CHAF1A: variants seen among roughly 807,000 people sequenced by gnomAD.
CHAF1A encodes chromatin assembly factor 1 subunit A, also known as CAF-1 subunit A.
CHAF1A carries 5 observed loss-of-function variants against 93.2 expected under a neutral mutation model. The observed-to-expected ratio is 0.05, with a 90% confidence interval of 0.03 to 0.11. CHAF1A has a LOEUF of 0.11. CHAF1A is among the 10% of genes least tolerant of loss of function. The probability of loss-of-function intolerance (pLI) is 1.00; values close to 1 mark genes in which losing one functional copy is unlikely to be tolerated. For missense variants in CHAF1A, 1,102 were observed against 1,259.9 expected (o/e 0.87, Z 1.90); for synonymous variants, 504 against 510.3 (o/e 0.99, Z 0.17).
chr19:4,409,486 G>A lies in CHAF1A; in HGVS notation c.687G>A (p.Gly229=). 6.2e-7 allele frequency: 1 copy of A among 1,614,086 alleles called. No homozygotes were observed. The highest frequency in any genetic ancestry group is 8.5e-7 in the Non-Finnish European group (1 of 1,179,998). Residue 229 remains glycine, a synonymous_variant, in exon 3 of 15, where the codon GGG becomes GGA. Transcript: ENST00000301280. ...RKEQDSWSEA[G]GILFKGKVPM... is the part of the protein sequence containing the mutation. ...AGCAGGACAGTTGGAGTGAAGCTGG[G>A]GGCATCCTGTTCAAAGGGAAGGTGC... is the stretch of plus-strand genomic sequence containing the variant.
chr19:4,415,355 C>T (rs1298355236), intron 3 of CHAF1A, among the ~76,000 whole-genome samples: 1 of 152,270 alleles, frequency 6.6e-6, no homozygotes, highest in East Asian at 1.9e-4. Context: ...CACATCAAGT[C>T]TGTTATCTCT....
chr19:4,411,571 C>A (rs548540125), intron 3 of CHAF1A, among the ~76,000 whole-genome samples: 1 of 140,874 alleles, frequency 7.1e-6, no homozygotes, highest in African/African-American at 2.5e-5. Flanking sequence ...TCTTGTCTTT[C>A]ACCTGAGAAG....
rs753584867 is a variant in CHAF1A, at chr19:4,423,359, A to G, written c.1272A>G (p.Lys424=). Residue 424 remains lysine (K), a synonymous_variant, in exon 6 of 15, where the codon AAA becomes AAG. Coordinates refer to ENST00000301280, the MANE Select transcript of CHAF1A (RefSeq NM_005483.3). Reference sequence around the variant, plus strand: ...GGGCTAAACTTGAGGAAAAAAGGAAAAAGGAAGAAGAGAAACGGTTAAGAG... The same window carrying G: ...GGGCTAAACTTGAGGAAAAAAGGAAGAAGGAAGAAGAGAAACGGTTAAGAG... ...ALEAKLEEKR[K]KEEEKRLREE... is the part of the protein sequence containing the mutation. The G allele has an allele frequency of 2.5e-6, 4 of 1,614,184 alleles. No individual in the cohort carries two copies. In the Admixed American group the frequency reaches 5.0e-5, roughly 20 times the overall value.
At chr19:4,412,956 G>A (rs976818107) in intron 3 of CHAF1A, among the ~76,000 whole-genome samples, 5 of 152,234 alleles carry the variant, frequency 3.3e-5, no homozygotes, top group Non-Finnish European at 7.3e-5. Context: ...GGATCCCTGA[G>A]ATCCCAGCTG....
intron 3 of CHAF1A, among the ~76,000 whole-genome samples, chr19:4,410,530 A>T (rs1477872378): frequency 6.6e-6 from 1 of 151,802 alleles, no homozygotes; most frequent in Non-Finnish European, 1.5e-5. Flanking sequence ...ACAGGTGCGC[A>T]CCACCACACT....
At chr19:4,430,343 A>G (rs963124709) in intron 10 of CHAF1A, among the ~76,000 whole-genome samples, 4 of 151,982 alleles carry the variant, frequency 2.6e-5, no homozygotes, top group Non-Finnish European at 4.4e-5. Context: ...ATGCCCAGCC[A>G]AGATTTGTAT....
chr19:4,402,955 A>C, intron 1 of CHAF1A, 141 bp downstream of exon 1: 5 of 392,678 alleles, frequency 1.3e-5, no homozygotes, highest in East Asian at 4.6e-5. Context: ...GGGCCTTCTC[A>C]TCCCCAGCGA....
intron 13 of CHAF1A, among the ~76,000 whole-genome samples, chr19:4,441,297 T>C (rs1005959872): frequency 6.7e-6 from 1 of 150,050 alleles, no homozygotes; most frequent in Non-Finnish European, 1.5e-5. Context: ...AGCCTGGATA[T>C]ATGGCAAGAC....
chr19:4,429,475 G>T lies in CHAF1A; in HGVS notation c.1642G>T (p.Val548Phe). The change falls in exon 9 of 15, where the codon GTT becomes TTT. Residue 548 changes from valine (V) to phenylalanine (F), a missense_variant. By Grantham distance (50) the Val-to-Phe change is conservative (BLOSUM62 -1). This residue lies in a region of CHAF1A where 335 missense variants were observed against 361.9 expected (regional missense o/e 0.93). Transcript: ENST00000301280. Reference sequence around the variant, plus strand: ...CGTGGAGCGTGGGAAGGGCGACGGTGTTCCCGAGAGGAGGAAGTTTGGCAG... The same window carrying T: ...CGTGGAGCGTGGGAAGGGCGACGGTTTTCCCGAGAGGAGGAAGTTTGGCAG... ...VIVERGKGDG[V>F]PERRKFGRMK... 6.2e-7 allele frequency: 1 copy of T among 1,614,072 alleles called. No homozygotes were observed. Among genetic ancestry groups the T allele is most frequent in the Non-Finnish European group, 8.5e-7 (1 of 1,180,012 alleles).
chr19:4,429,239 C>A, intron 8 of CHAF1A, 199 bp from the exon 9 acceptor site: 1 of 647,868 alleles, frequency 1.5e-6, no homozygotes, highest in Non-Finnish European at 2.6e-6. Context: ...TCCTCCCTCT[C>A]ACCCTGCAGG....
intron 13 of CHAF1A, among the ~76,000 whole-genome samples, chr19:4,436,016 G>A (rs924924993): frequency 1.3e-5 from 2 of 152,128 alleles, no homozygotes; most frequent in African/African-American, 4.8e-5. Context: ...GCAGGTGCCT[G>A]TAATCTCAGC....
At chr19:4,447,150 A>C, downstream of CHAF1A, 1 of 597,772 alleles carries the variant, frequency 1.7e-6, no homozygotes, top group Non-Finnish European at 3.0e-6. Flanking sequence ...CCAGGCACGA[A>C]GAGTGAGGCT....
intron 2 of CHAF1A, 71 bp downstream of exon 2, chr19:4,406,033 C>T: frequency 8.2e-7 from 1 of 1,226,084 alleles, no homozygotes; most frequent in Non-Finnish European, 1.2e-6. Context: ...TTGGAGACCT[C>T]AGTGGAAGCC....
chr19:4,444,718 G>A (rs184527329), downstream of CHAF1A: 120 of 152,492 alleles, frequency 7.9e-4, no homozygotes, highest in Non-Finnish European at 1.1e-3. Flanking sequence ...GGATGTGGCC[G>A]TCTCAGGACA....
At position 4,433,854 on chromosome 19, in the gene CHAF1A, C is replaced by T. The variant is rs1353955351; in HGVS notation, c.2673+315C>T. The stretch of plus-strand genomic sequence containing the variant: ...TGACCTCATGATCCGTCTGCCTTGT[C>T]CTCCCAAAGTGCTGGGATTACAGGC... On this transcript the variant is annotated intron_variant, in intron 13 of 14. Coordinates refer to ENST00000301280, the MANE Select transcript of CHAF1A (RefSeq NM_005483.3). The surrounding 1 kb of genome is among the most constrained non-coding windows in gnomAD (Gnocchi z 5.6). Among the ~76,000 whole-genome samples the T allele has an allele frequency of 6.6e-6, 1 of 152,064 alleles. No individual in the cohort carries two copies. The highest frequency in any genetic ancestry group is 1.5e-5 in the Non-Finnish European group (1 of 68,018).
chr19:4,417,876 T>G (rs1973922941), intron 3 of CHAF1A, 144 bp from the exon 4 acceptor site: 2 of 562,182 alleles, frequency 3.6e-6, no homozygotes, highest in African/African-American at 1.9e-5. Context: ...GATACACACA[T>G]GTATGCACAC....
intron 7 of CHAF1A, among the ~76,000 whole-genome samples, chr19:4,425,873 A>G (rs1436761537): frequency 6.6e-6 from 1 of 152,160 alleles, no homozygotes; most frequent in Non-Finnish European, 1.5e-5. Flanking sequence ...CTCTGCTATC[A>G]CTGCAATTTT....
At chr19:4,446,622 C>G (rs1371786655), downstream of CHAF1A, 1 of 1,612,572 alleles carries the variant, frequency 6.2e-7, no homozygotes, top group East Asian at 2.2e-5. Context: ...GCTTGGCGCG[C>G]ACGGGCTCCG....
At position 4,433,185 on chromosome 19, in the gene CHAF1A, G is replaced by T. The variant is rs762003232; in HGVS notation, c.2319G>T (p.Pro773=). 6.2e-7 allele frequency: 1 copy of T among 1,613,694 alleles called. No homozygotes were observed. Residue 773 remains proline (P), a synonymous_variant, in exon 13 of 15, where the codon CCG becomes CCT. Transcript: ENST00000301280. This position sits in a 1 kb window ranked among gnomAD's most constrained non-coding sequence, Gnocchi z 5.6. Reference sequence around the variant, plus strand: ...TGCTCAGCAACCACACCGGCAGCCCGCGGAGCCCCTCCACCACCTACCTGC... The same window carrying T: ...TGCTCAGCAACCACACCGGCAGCCCTCGGAGCCCCTCCACCACCTACCTGC... ...RGLLSNHTGS[P]RSPSTTYLHT...
Sources: gnomAD v4.1 joint callset for allele counts (sites outside exome capture counted in the v4.1 genomes callset) on GRCh38, gnomAD v4.1.1 for gene constraint, gnomAD v4.1.1 regional missense constraint, Gnocchi (gnomAD v3.1) non-coding constraint, MANE v1.5 for transcripts, NCBI Gene and HGNC (gene_info 2026-07-23, HGNC 2026-07-21) for gene names.